Variants in ZNF618 observed in about 807,000 individuals in gnomAD.
ZNF618 encodes zinc finger protein 618.
In ZNF618, 34 loss-of-function variants were observed where a neutral mutation model predicts 103.0. The observed-to-expected ratio is 0.33, with a 90% CI of 0.25 to 0.44. The LOEUF is 0.44. Ranked by LOEUF, ZNF618 falls within the 20% of genes least tolerant of loss-of-function variation. The probability of loss-of-function intolerance (pLI) is 1.00; values close to 1 mark genes in which losing one functional copy is unlikely to be tolerated. For missense variants in ZNF618, 1,059 were observed against 1,295.4 expected (o/e 0.82, Z 2.80); for synonymous variants, 551 against 542.2 (o/e 1.02, Z -0.23).
At chr9:113,914,669 CT>C (rs773865758) in intron 1 of ZNF618, among the ~76,000 whole-genome samples, 4 of 152,192 alleles carry the variant, frequency 2.6e-5, no homozygotes, top group Non-Finnish European at 5.9e-5. Flanking sequence ...AATATAAACA[CT>C]ATGCTAATTA....
At chr9:113,956,693 G>A (rs934416295) in intron 1 of ZNF618, among the ~76,000 whole-genome samples, 2 of 152,196 alleles carry the variant, frequency 1.3e-5, no homozygotes, top group African/African-American at 4.8e-5. Context: ...GCTCTAGGAT[G>A]TTGTCCTGTG....
intron 1 of ZNF618, among the ~76,000 whole-genome samples, chr9:113,967,291 G>GC (rs931748753): frequency 1.3e-5 from 2 of 152,218 alleles, no homozygotes; most frequent in African/African-American, 4.8e-5. Flanking sequence ...TTTGAGGAAT[G>GC]CAAGATGTTG....
In ZNF618 at chr9:113,998,286, A is replaced by T. The variant is rs1840824767; in HGVS notation, c.365A>T (p.His122Leu). The stretch of plus-strand genomic sequence containing the variant: ...GGAAAAGCGCCCGAAGGCAGCCCCC[A>T]CGGTGGATCTGTGCGAAGCCGGTAT... ...LDGKAPEGSP[H>L]GGSVRSRYSG... Residue 122 changes from histidine (H) to leucine (L), a missense_variant, in exon 4 of 15, where the codon CAC (histidine) becomes CTC (leucine). Transcript: ENST00000374126. 2 of 1,550,468 alleles carry T rather than the reference A, an allele frequency of 1.3e-6. No individual in the cohort carries two copies. The highest frequency in any genetic ancestry group is 1.7e-6 in the Non-Finnish European group (2 of 1,146,998).
chr9:114,040,976 A>C lies in ZNF618; in HGVS notation c.1246+4599A>C, dbSNP rs535660658. 5.0e-3 allele frequency among the ~76,000 whole-genome samples: 754 copies of C among 152,264 alleles called. 4 individuals are homozygous for C. Among genetic ancestry groups the C allele is most frequent in the African/African-American group, 0.018 (734 of 41,556 alleles). ...TGTAAAAGTGTTCCTATTTCTCCAC[A>C]TCCTCTCCAGCACCTGTTGTTTCCT... On this transcript the variant is annotated intron_variant, in intron 13 of 14. Coordinates refer to ENST00000374126, the MANE Select transcript of ZNF618 (RefSeq NM_001318042.2).
In ZNF618 at chr9:113,997,610, CT is replaced by C. The variant is rs1259332990; in HGVS notation, c.338-648del. On this transcript the variant is annotated intron_variant, in intron 3 of 14. Transcript: ENST00000374126. ...CCCCTGAGCCAGGACCCCGAGCCCA[CT>C]AACTGGCTGCATGAACTGGGCGAAA... 5.3e-5 allele frequency among the ~76,000 whole-genome samples: 8 copies of C among 152,254 alleles called. No homozygotes were observed. In the East Asian group the frequency reaches 5.8e-4, roughly 11 times the overall value.
At chr9:113,965,000 A>G (rs1429287585) in intron 1 of ZNF618, among the ~76,000 whole-genome samples, 4 of 142,864 alleles carry the variant, frequency 2.8e-5, no homozygotes, top group African/African-American at 1.0e-4. Context: ...TTCATTCTGA[A>G]AAAAAAAAAA....
At chr9:113,950,706 G>T (rs1275847356) in intron 1 of ZNF618, among the ~76,000 whole-genome samples, 1 of 152,204 alleles carries the variant, frequency 6.6e-6, no homozygotes, top group Non-Finnish European at 1.5e-5. Context: ...TCATTGAATG[G>T]TGGGACCGCT....
chr9:113,932,526 C>T (rs1368460194), intron 1 of ZNF618, among the ~76,000 whole-genome samples: 1 of 151,984 alleles, frequency 6.6e-6, no homozygotes, highest in Admixed American at 6.6e-5. Context: ...TAGAGGGAGC[C>T]CAGGTGAAAT....
intron 11 of ZNF618, among the ~76,000 whole-genome samples, chr9:114,029,254 A>G (rs990318728): frequency 1.4e-4 from 22 of 152,166 alleles, no homozygotes; most frequent in African/African-American, 4.3e-4. Flanking sequence ...TTCCCAAATC[A>G]TGGCCTGAGG....
At chr9:114,044,676 G>C (rs971120956) in intron 13 of ZNF618, among the ~76,000 whole-genome samples, 3 of 152,114 alleles carry the variant, frequency 2.0e-5, no homozygotes, top group African/African-American at 7.2e-5. Context: ...CCATGAGCAC[G>C]GGATGTGTTT....
intron 1 of ZNF618, among the ~76,000 whole-genome samples, chr9:113,916,503 T>C (rs1473225566): frequency 1.3e-5 from 2 of 152,162 alleles, no homozygotes; most frequent in East Asian, 1.9e-4. Context: ...TAGAGGTAAG[T>C]GTACCAGTCT....
intron 1 of ZNF618, among the ~76,000 whole-genome samples, chr9:113,926,154 T>G (rs867987797): frequency 4.7e-5 from 7 of 150,272 alleles, no homozygotes; most frequent in Admixed American, 3.3e-4. Context: ...TTGGTGTTGT[T>G]TTTTTTTTTT....
chr9:113,899,088 G>C (rs1427381929), intron 1 of ZNF618, among the ~76,000 whole-genome samples: 1 of 151,968 alleles, frequency 6.6e-6, no homozygotes, highest in Admixed American at 6.6e-5. Flanking sequence ...TCCTCAGTAG[G>C]TGGCTTGTGC....
rs781696078 is a variant in ZNF618, at chr9:114,049,860, C to T, written c.2558C>T (p.Pro853Leu). The T allele has an allele frequency of 7.4e-6, 12 of 1,613,822 alleles. No individual in the cohort carries two copies. The East Asian group carries it at 2.2e-4, about 30-fold the overall frequency. The change falls in exon 15 of 15, where the codon CCC (proline) becomes CTC (leucine). Residue 853 changes from proline to leucine, a missense_variant. Physicochemically the swap from Pro to Leu is moderately conservative, Grantham distance 98. This residue lies in a region of ZNF618 where 156 missense variants were observed against 197.1 expected (regional missense o/e 0.79). Coordinates refer to ENST00000374126, the MANE Select transcript of ZNF618 (RefSeq NM_001318042.2). ...EADFEPAAKK[P>L]RSAAVENPAA... ...GACTTCGAGCCCGCTGCCAAGAAGC[C>T]CCGCTCTGCTGCCGTCGAGAACCCC...
chr9:113,895,236 C>T (rs1053716744), intron 1 of ZNF618, among the ~76,000 whole-genome samples: 3 of 152,074 alleles, frequency 2.0e-5, no homozygotes, highest in Admixed American at 2.0e-4. Flanking sequence ...AATCATTCCC[C>T]TCCCCCACTA....
At chr9:113,897,812 C>T (rs574850779) in intron 1 of ZNF618, among the ~76,000 whole-genome samples, 12 of 152,218 alleles carry the variant, frequency 7.9e-5, no homozygotes, top group East Asian at 1.9e-4. Context: ...TGTTTTGAGA[C>T]GGAGTCTTGC....
intron 1 of ZNF618, among the ~76,000 whole-genome samples, chr9:113,949,248 A>C (rs1564203892): frequency 6.6e-6 from 1 of 152,222 alleles, no homozygotes; most frequent in Non-Finnish European, 1.5e-5. Context: ...TTGAAAAGAT[A>C]TAATTAGAGA....
In ZNF618 at chr9:114,009,774, C is replaced by G. The variant is rs187764878; in HGVS notation, c.754+1220C>G. Among the ~76,000 whole-genome samples, 47 of 152,200 alleles carry G rather than the reference C, an allele frequency of 3.1e-4. 1 individual carries two copies. The East Asian group carries it at 8.2e-3, about 26-fold the overall frequency. ...CTGAAACACTAAGTTGGATACGTTC[C>G]TCAGGGCAGAGCTCGATCCCAGCTC... On this transcript the variant is annotated intron_variant, in intron 9 of 14. Coordinates refer to ENST00000374126, the MANE Select transcript of ZNF618 (RefSeq NM_001318042.2).
At chr9:114,040,416 G>A (rs574123795) in intron 13 of ZNF618, among the ~76,000 whole-genome samples, 7 of 151,356 alleles carry the variant, frequency 4.6e-5, no homozygotes, top group Non-Finnish European at 7.4e-5. Flanking sequence ...GTATACATGT[G>A]CCAGGTTGGT....
Sources: allele counts gnomAD v4.1 joint callset (sites outside exome capture counted in the v4.1 genomes callset), GRCh38; gene constraint gnomAD v4.1.1; regional missense constraint gnomAD v4.1.1; transcripts MANE v1.5; gene names NCBI Gene and HGNC (gene_info 2026-07-23, HGNC 2026-07-21).